GTPBP4: variants seen among roughly 807,000 people sequenced by gnomAD.
GTPBP4 encodes GTP-binding protein 4.
A neutral mutation model predicts 81.7 loss-of-function variants in GTPBP4; 15 were observed. The observed-to-expected ratio is 0.18, with a 90% confidence interval of 0.12 to 0.28. GTPBP4 has a LOEUF of 0.28. Among genes scored for constraint, GTPBP4 ranks in the 10% least tolerant of loss-of-function variants. GTPBP4 has a pLI of 1.00. For missense variants in GTPBP4, 847 were observed against 793.8 expected (o/e 1.07, Z -0.81); for synonymous variants, 272 against 274.6 (o/e 0.99, Z 0.09).
chr10:1,019,885 A>G lies in GTPBP4; in HGVS notation c.*2658A>G. On this transcript the variant is annotated 3_prime_UTR_variant, in exon 17 of 17. Transcript: ENST00000360803. Reference sequence around the variant, plus strand: ...TAACAACGCTAATGTAAAACACAGAATTTACAGAAAAATAGAGAAAATAAA... The same window carrying G: ...TAACAACGCTAATGTAAAACACAGAGTTTACAGAAAAATAGAGAAAATAAA... 2 of 1,254,850 alleles carry G rather than the reference A, an allele frequency of 1.6e-6. No homozygotes were observed. Among genetic ancestry groups the G allele is most frequent in the South Asian group, 2.5e-5 (2 of 78,536 alleles). The allele number at this position is 1,254,850 out of a possible 1,614,324, so 77.7% of individuals were successfully genotyped here.
chr10:993,079 T>C (rs10737004), intron 2 of GTPBP4, among the ~76,000 whole-genome samples: 117,112 of 151,912 alleles, frequency 0.77, 45,513 homozygotes, highest in East Asian at 0.9. Context: ...GGGTCAGTGG[T>C]GTAAGATCCA....
intron 8 of GTPBP4, among the ~76,000 whole-genome samples, chr10:1,005,314 T>C (rs1056193446): frequency 1.3e-5 from 2 of 151,944 alleles, no homozygotes; most frequent in African/African-American, 4.8e-5. Context: ...CCTGGCTAAT[T>C]TTTTATATTT....
rs1589029215 is a variant in GTPBP4 at position 1,008,226 on chromosome 10, A to G, written c.1114-732A>G. The G allele has an allele frequency of 6.9e-6, 3 of 436,840 alleles. No individual in the cohort carries two copies. The East Asian group carries it at 2.1e-4, about 31-fold the overall frequency. 27.1% of individuals were successfully genotyped at this position (436,840 alleles called of 1,614,324 possible). ...TCAAGAGTCTGAGACCAGCCTGGCA[A>G]TCATGGTGAAACCCCATCTCTGCTA... On this transcript the variant is annotated intron_variant, in intron 10 of 16. Coordinates refer to ENST00000360803, the MANE Select transcript of GTPBP4 (RefSeq NM_012341.3).
intron 6 of GTPBP4, among the ~76,000 whole-genome samples, chr10:1,000,464 C>T (rs534938157): frequency 8.5e-4 from 129 of 151,742 alleles, no homozygotes; most frequent in Non-Finnish European, 1.5e-3. Context: ...GTCTCGATCT[C>T]CTGACCTCGT....
intron 8 of GTPBP4, among the ~76,000 whole-genome samples, chr10:1,005,319 A>ATATTTT (rs1361651555): frequency 1.3e-5 from 2 of 151,790 alleles, no homozygotes; most frequent in African/African-American, 4.8e-5. Context: ...CTAATTTTTT[A>ATATTTT]TATTTTTAGC....
chr10:989,181 C>G (rs1831398530), intron 1 of GTPBP4, among the ~76,000 whole-genome samples: 1 of 141,158 alleles, frequency 7.1e-6, no homozygotes, highest in Non-Finnish European at 1.5e-5. Flanking sequence ...GGAGCGCAGT[C>G]TCGGCTCACT....
In GTPBP4 at chr10:1,010,024, T is replaced by TG. The variant is rs531909884; in HGVS notation, c.1244-391dup. 2.6e-5 allele frequency among the ~76,000 whole-genome samples: 4 copies of TG among 152,208 alleles called. No homozygotes were observed. In the South Asian group the frequency reaches 8.3e-4, roughly 32 times the overall value. On this transcript the variant is annotated intron_variant, in intron 12 of 16. Transcript: ENST00000360803. ...AAAGGTGCATGCTGATAGCACTCAG[T>TG]GGGGGTTCTTCCATTGTTTCCTGTT...
intron 13 of GTPBP4, among the ~76,000 whole-genome samples, chr10:1,011,728 G>A (rs1319850319): frequency 6.6e-6 from 1 of 152,238 alleles, no homozygotes; most frequent in Non-Finnish European, 1.5e-5. Flanking sequence ...CGTTGGTGCT[G>A]GAGGAGTGGC....
chr10:991,727 G>T (rs1231934709), intron 1 of GTPBP4, among the ~76,000 whole-genome samples: 3 of 116,856 alleles, frequency 2.6e-5, no homozygotes, highest in African/African-American at 3.3e-5. Context: ...ACGGAGTCTC[G>T]CTCTGTCGCC....
At chr10:1,001,992 C>T (rs1024992423) in intron 8 of GTPBP4, among the ~76,000 whole-genome samples, 23 of 150,358 alleles carry the variant, frequency 1.5e-4, no homozygotes, top group African/African-American at 4.2e-4. Context: ...GGCACGGTCT[C>T]GGCTCAGTGC....
chr10:1,007,971 A>AT (rs1564469596), intron 10 of GTPBP4: 1 of 517,580 alleles, frequency 1.9e-6, no homozygotes, highest in South Asian at 1.4e-5. Flanking sequence ...TACATTGCAA[A>AT]TTTTTTTCTC....
At chr10:995,518 G>T (rs1330822161) in intron 2 of GTPBP4, among the ~76,000 whole-genome samples, 1 of 151,856 alleles carries the variant, frequency 6.6e-6, no homozygotes, top group African/African-American at 2.4e-5. Context: ...AGAGGGAATT[G>T]GAAGGATTTT....
intron 4 of GTPBP4, chr10:996,580 CTTTCTGAATTAA>C (rs1831541510): frequency 5.7e-6 from 1 of 174,662 alleles, no homozygotes; most frequent in African/African-American, 2.4e-5. Flanking sequence ...TTTAATAGGA[CTTTCTGAATTAA>C]TGTACTAGGA....
At chr10:1,000,119 A>T (rs1041046217) in intron 6 of GTPBP4, among the ~76,000 whole-genome samples, 2 of 151,922 alleles carry the variant, frequency 1.3e-5, no homozygotes, top group African/African-American at 4.8e-5. Context: ...TTCTCTCAAC[A>T]TCATGGCTAG....
intron 10 of GTPBP4, chr10:1,008,217 A>C: frequency 2.3e-6 from 1 of 440,220 alleles, no homozygotes; most frequent in Middle Eastern, 7.5e-4. Flanking sequence ...GTCTGAGACC[A>C]GCCTGGCAAT....
chr10:1,007,010 G>T lies in GTPBP4; in HGVS notation c.1003-8G>T, dbSNP rs2306408. 1.3e-6 allele frequency: 2 copies of T among 1,576,782 alleles called. No homozygotes were observed. Among genetic ancestry groups the T allele is most frequent in the Non-Finnish European group, 1.7e-6 (2 of 1,146,332 alleles). On this transcript the variant is annotated splice_polypyrimidine_tract_variant and splice_region_variant and intron_variant, in intron 9 of 16. Coordinates refer to ENST00000360803, the MANE Select transcript of GTPBP4 (RefSeq NM_012341.3). ...TTTGTGACTGTGCCTTCTTTTTTACGTTATTAGGCTTGCGATAGGCTTTTG... is the reference window on the plus strand; with the variant it reads ...TTTGTGACTGTGCCTTCTTTTTTACTTTATTAGGCTTGCGATAGGCTTTTG...
chr10:996,877 C>T lies in GTPBP4; in HGVS notation c.461-331C>T, dbSNP rs115989017. ...CATGGCCTGCAGGCTTCAAAGTGCA[C>T]TGGTTCCCTAATGTCATCTTGCTAA... On this transcript the variant is annotated intron_variant, in intron 4 of 16. Transcript: ENST00000360803. 2.2e-3 allele frequency: 635 copies of T among 286,862 alleles called. 3 individuals carry two copies. The highest frequency in any genetic ancestry group is 0.014 in the African/African-American group (595 of 43,854). 17.8% of individuals were successfully genotyped at this position (286,862 alleles called of 1,614,324 possible). A position where few individuals can be genotyped will look rare whatever the true frequency, so the allele number is the denominator to read the frequency against.
chr10:992,506 G>A lies in GTPBP4; in HGVS notation c.66G>A (p.Thr22=), dbSNP rs563999803. The A allele has an allele frequency of 2.7e-5, 43 of 1,600,080 alleles. No individual in the cohort carries two copies. The South Asian group carries it at 4.2e-4, about 16-fold the overall frequency. ...AATTGCAGGACTTCATAGACCTCAC[G>A]TTGTCGAAGACTCAACGAAAGACTC... ...VPSAKDFIDL[T]LSKTQRKTPT... Residue 22 remains threonine (T), a synonymous_variant, in exon 2 of 17, where the codon ACG becomes ACA. Coordinates refer to ENST00000360803, the MANE Select transcript of GTPBP4 (RefSeq NM_012341.3).
intron 2 of GTPBP4, among the ~76,000 whole-genome samples, chr10:995,453 G>C (rs973996537): frequency 6.6e-6 from 1 of 151,838 alleles, no homozygotes; most frequent in African/African-American, 2.4e-5. Flanking sequence ...ATTCTGGAGA[G>C]AGTGGGTTCA....
Sources: allele counts gnomAD v4.1 joint callset (sites outside exome capture counted in the v4.1 genomes callset), GRCh38; gene constraint gnomAD v4.1.1; transcripts MANE v1.5; gene names NCBI Gene and HGNC (gene_info 2026-07-23, HGNC 2026-07-21).